The following PDGFC variants were observed in gnomAD, a reference collection of about 807,000 sequenced individuals.
The protein encoded by PDGFC is platelet derived growth factor C.
PDGFC carries 12 observed loss-of-function variants against 35.5 expected under a neutral mutation model. That is an observed-to-expected ratio of 0.34 (90% CI 0.22 to 0.55). The LOEUF is 0.55. Among genes scored for constraint, PDGFC ranks in the 20% least tolerant of loss-of-function variants. The pLI, the probability that PDGFC is intolerant of heterozygous loss-of-function variation, is 0.91. For missense variants in PDGFC, 322 were observed against 412.4 expected (o/e 0.78, Z 1.90); for synonymous variants, 159 against 148.8 (o/e 1.07, Z -0.50).
chr4:156,893,613 C>T (rs1730565169), intron 1 of PDGFC, among the ~76,000 whole-genome samples: 1 of 151,396 alleles, frequency 6.6e-6, no homozygotes, highest in South Asian at 2.1e-4. Flanking sequence ...GCTGGGATTA[C>T]AGGCAAGAAC....
chr4:156,791,548 C>T (rs1381183575), intron 3 of PDGFC, among the ~76,000 whole-genome samples: 1 of 151,242 alleles, frequency 6.6e-6, no homozygotes, highest in Non-Finnish European at 1.5e-5. Context: ...ACTGAAATGA[C>T]CTAATAAAGA....
chr4:156,945,019 C>T (rs932118432), intron 1 of PDGFC, among the ~76,000 whole-genome samples: 5 of 151,892 alleles, frequency 3.3e-5, no homozygotes, highest in Non-Finnish European at 5.9e-5. Flanking sequence ...AGTCAGCCCT[C>T]GGTGACTTAT....
At chr4:156,890,018 C>T (rs1442208636) in intron 1 of PDGFC, among the ~76,000 whole-genome samples, 1 of 152,034 alleles carries the variant, frequency 6.6e-6, no homozygotes, top group Non-Finnish European at 1.5e-5. Context: ...AAGTAAGCAG[C>T]TCCTCTGAGT....
At chr4:156,854,300 C>T (rs571189760) in intron 1 of PDGFC, among the ~76,000 whole-genome samples, 31 of 152,192 alleles carry the variant, frequency 2.0e-4, no homozygotes, top group Middle Eastern at 3.4e-3. Flanking sequence ...AACTACATAG[C>T]TATTAAAAGA....
intron 1 of PDGFC, among the ~76,000 whole-genome samples, chr4:156,943,078 T>C (rs558624191): frequency 3.3e-5 from 5 of 152,186 alleles, no homozygotes; most frequent in Admixed American, 3.3e-4. Context: ...CAGGAACCTA[T>C]GTAACTAATA....
At chr4:156,893,241 A>C (rs1340376246) in intron 1 of PDGFC, among the ~76,000 whole-genome samples, 1 of 152,198 alleles carries the variant, frequency 6.6e-6, no homozygotes, top group South Asian at 2.1e-4. Flanking sequence ...TCTCTTTATT[A>C]CATTAAGTAG....
chr4:156,856,736 T>G (rs1729593061), intron 1 of PDGFC, among the ~76,000 whole-genome samples: 1 of 152,114 alleles, frequency 6.6e-6, no homozygotes, highest in Admixed American at 6.6e-5. Context: ...CAATTCATCC[T>G]TCACTCCTGA....
At chr4:156,888,102 A>C (rs1730418636) in intron 1 of PDGFC, among the ~76,000 whole-genome samples, 1 of 152,160 alleles carries the variant, frequency 6.6e-6, no homozygotes, top group Admixed American at 6.5e-5. Flanking sequence ...CAATAAATTT[A>C]AATTTATGAC....
At chr4:156,782,852 G>A (rs971916248) in intron 3 of PDGFC, among the ~76,000 whole-genome samples, 2 of 152,130 alleles carry the variant, frequency 1.3e-5, no homozygotes, top group African/African-American at 2.4e-5. Context: ...AAATCATTCA[G>A]TAGACTATAT....
At chr4:156,913,081 CT>C (rs1731075928) in intron 1 of PDGFC, among the ~76,000 whole-genome samples, 1 of 152,102 alleles carries the variant, frequency 6.6e-6, no homozygotes, top group African/African-American at 2.4e-5. Context: ...AAAAGTTGGT[CT>C]CTTGTTACCC....
At chr4:156,816,436 ATTGT>A (rs1238714635) in intron 2 of PDGFC, among the ~76,000 whole-genome samples, 1 of 152,198 alleles carries the variant, frequency 6.6e-6, no homozygotes, top group African/African-American at 2.4e-5. Flanking sequence ...TCAACAGCAA[ATTGT>A]TTATCTATGC....
At chr4:156,947,200 C>T (rs1731969565) in intron 1 of PDGFC, among the ~76,000 whole-genome samples, 1 of 151,958 alleles carries the variant, frequency 6.6e-6, no homozygotes. Context: ...GCCCTCTGCC[C>T]AGCCATCTCT....
intron 1 of PDGFC, among the ~76,000 whole-genome samples, chr4:156,867,481 G>C (rs916421733): frequency 3.3e-5 from 5 of 152,132 alleles, no homozygotes; most frequent in African/African-American, 9.7e-5. Context: ...GGTGGTAATG[G>C]GTGATGGTCA....
chr4:156,816,486 A>G (rs1732089656), intron 2 of PDGFC, among the ~76,000 whole-genome samples: 1 of 152,136 alleles, frequency 6.6e-6, no homozygotes, highest in Non-Finnish European at 1.5e-5. Context: ...AAAAATAATA[A>G]TAATTACATT....
At chr4:156,865,359 C>G (rs115569226) in intron 1 of PDGFC, among the ~76,000 whole-genome samples, 1 of 152,116 alleles carries the variant, frequency 6.6e-6, no homozygotes, top group African/African-American at 2.4e-5. Context: ...TCTAGGAATT[C>G]TTTATATTAC....
At chr4:156,854,815 A>C (rs1277514535) in intron 1 of PDGFC, among the ~76,000 whole-genome samples, 1 of 152,124 alleles carries the variant, frequency 6.6e-6, no homozygotes, top group Non-Finnish European at 1.5e-5. Context: ...CAAATTACCA[A>C]ACAAAAAAAA....
intron 1 of PDGFC, among the ~76,000 whole-genome samples, chr4:156,892,229 G>C (rs1413594379): frequency 5.9e-5 from 9 of 152,184 alleles, no homozygotes; most frequent in Admixed American, 5.9e-4. Flanking sequence ...GGAACCAATA[G>C]TGGCAGATAT....
chr4:156,911,589 T>C (rs1363699552), intron 1 of PDGFC, among the ~76,000 whole-genome samples: 3 of 152,102 alleles, frequency 2.0e-5, no homozygotes, highest in Non-Finnish European at 4.4e-5. Flanking sequence ...AAATCTTAAG[T>C]GGAGAAAAAA....
chr4:156,836,554 C>CT (rs1729068659), intron 2 of PDGFC, among the ~76,000 whole-genome samples: 2 of 152,122 alleles, frequency 1.3e-5, no homozygotes, highest in African/African-American at 4.8e-5. Flanking sequence ...AATCATCCTC[C>CT]TGAGACTCAC....
Sources: gnomAD v4.1 joint callset for allele counts (sites outside exome capture counted in the v4.1 genomes callset) on GRCh38, gnomAD v4.1.1 for gene constraint, MANE v1.5 for transcripts, NCBI Gene and HGNC (gene_info 2026-07-23, HGNC 2026-07-21) for gene names.